The following MYO1D variants were observed in gnomAD, a reference collection of about 807,000 sequenced individuals.
MYO1D encodes unconventional myosin-Id.
MYO1D carries 83 observed loss-of-function variants against 122.0 expected under a neutral mutation model. That is an observed-to-expected ratio of 0.68 (90% CI 0.57 to 0.82). The LOEUF (loss-of-function observed/expected upper bound fraction) is 0.82. Among genes scored for constraint, MYO1D ranks in the 40% least tolerant of loss-of-function variants. The pLI, the probability that MYO1D is intolerant of heterozygous loss-of-function variation, is 0.00. For missense variants in MYO1D, 1,157 were observed against 1,269.5 expected, an observed-to-expected ratio of 0.91 and a Z score of 1.35; for synonymous variants, 464 against 446.9, an observed-to-expected ratio of 1.04 and a Z score of -0.48.
chr17:32,621,464 T>C lies in MYO1D; in HGVS notation c.2710-16223A>G, dbSNP rs562830713. Among the ~76,000 whole-genome samples, 10 of 152,004 alleles carry C rather than the reference T, an allele frequency of 6.6e-5. No individual in the cohort carries two copies. In the South Asian group the frequency reaches 1.7e-3, roughly 25 times the overall value. Reference sequence around the variant, plus strand: ...TTTCCCTCCTTACCTGCCAGGTAAGTGGTAGATGATAGAATTTATTGAATG... The same window carrying C: ...TTTCCCTCCTTACCTGCCAGGTAAGCGGTAGATGATAGAATTTATTGAATG... On this transcript the variant is annotated intron_variant, in intron 20 of 21. Transcript: ENST00000318217.
At chr17:32,733,345 A>G (rs1181858162) in intron 14 of MYO1D, among the ~76,000 whole-genome samples, 2 of 152,248 alleles carry the variant, frequency 1.3e-5, no homozygotes, top group East Asian at 1.9e-4. Flanking sequence ...TGGGGCAATT[A>G]TAAGACCTGG....
intron 21 of MYO1D, among the ~76,000 whole-genome samples, chr17:32,577,732 T>C (rs960847891): frequency 6.6e-6 from 1 of 151,620 alleles, no homozygotes; most frequent in African/African-American, 2.4e-5. Context: ...TTCAGATACA[T>C]ATTTCTTTTT....
At chr17:32,638,931 T>C (rs940579082) in intron 19 of MYO1D, 96 bp from the exon 20 acceptor site, 1 of 784,136 alleles carries the variant, frequency 1.3e-6, no homozygotes. Context: ...ATGTGAACCA[T>C]GTATGGCCAC....
chr17:32,549,303 C>T (rs1461393774), intron 21 of MYO1D, among the ~76,000 whole-genome samples: 1 of 152,092 alleles, frequency 6.6e-6, no homozygotes, highest in Non-Finnish European at 1.5e-5. Flanking sequence ...ACTATTTTGC[C>T]CAGACTTGTC....
intron 1 of MYO1D, among the ~76,000 whole-genome samples, chr17:32,820,251 C>G (rs563619135): frequency 2.1e-4 from 32 of 152,198 alleles, no homozygotes; most frequent in Non-Finnish European, 4.3e-4. Context: ...TATGACCCAG[C>G]AATCCCACTT....
chr17:32,579,279 G>C (rs1370986831), intron 21 of MYO1D, among the ~76,000 whole-genome samples: 1 of 152,054 alleles, frequency 6.6e-6, no homozygotes. Context: ...ATGTTGCTCA[G>C]GCTGATCTCA....
At chr17:32,510,812 A>G (rs1198927849) in intron 21 of MYO1D, 1 of 152,122 alleles carries the variant, frequency 6.6e-6, no homozygotes, top group African/African-American at 2.4e-5. Context: ...TGCTTTGTCT[A>G]TTTGGAATCT....
In MYO1D at chr17:32,654,595, C is replaced by G; in HGVS notation, c.2372G>C (p.Ser791Thr). 1 of 1,612,468 alleles carries G rather than the reference C, an allele frequency of 6.2e-7. No individual in the cohort carries two copies. The highest frequency in any genetic ancestry group is 1.1e-5 in the South Asian group (1 of 90,758). Residue 791 changes from serine to threonine, a missense_variant, in exon 18 of 22, where the codon AGC becomes ACC. Ser to Thr is a moderately conservative substitution (Grantham distance 58, BLOSUM62 1). Coordinates refer to ENST00000318217, the MANE Select transcript of MYO1D (RefSeq NM_015194.3). ...CTGGGGCAGGTCTGAGGCCGGAATGCTCTTGATGAGCTGGGATGCTCTCCA... is the reference window on the plus strand; with the variant it reads ...CTGGGGCAGGTCTGAGGCCGGAATGGTCTTGATGAGCTGGGATGCTCTCCA... ...NRWRASQLIK[S>T]IPASDLPQVR...
intron 21 of MYO1D, among the ~76,000 whole-genome samples, chr17:32,595,891 C>T (rs970233853): frequency 2.0e-5 from 3 of 152,078 alleles, no homozygotes; most frequent in East Asian, 3.8e-4. Flanking sequence ...GGGTGAATTG[C>T]TATTCTCCAG....
At chr17:32,573,988 G>A (rs1166521793) in intron 21 of MYO1D, among the ~76,000 whole-genome samples, 6 of 152,116 alleles carry the variant, frequency 3.9e-5, no homozygotes, top group African/African-American at 1.2e-4. Flanking sequence ...GCGTAGCTGG[G>A]ACTACAGGCG....
chr17:32,560,609 C>A (rs186255458), intron 21 of MYO1D, among the ~76,000 whole-genome samples: 1 of 131,534 alleles, frequency 7.6e-6, no homozygotes, highest in Admixed American at 8.0e-5. Flanking sequence ...AATTCTGACT[C>A]AAGATTAGCC....
intron 1 of MYO1D, 28 bp from the exon 2 acceptor site, chr17:32,780,812 C>T (rs763461067): frequency 2.1e-5 from 33 of 1,604,624 alleles, no homozygotes; most frequent in East Asian, 4.5e-5. Context: ...AAAAGGAAGA[C>T]GTAGCTGTGG....
At chr17:32,557,706 C>T (rs1163049624) in intron 21 of MYO1D, among the ~76,000 whole-genome samples, 1 of 151,904 alleles carries the variant, frequency 6.6e-6, no homozygotes, top group African/African-American at 2.4e-5. Context: ...TTTCGCTCAG[C>T]AAAGTCTTTC....
Position 32,864,007 on chromosome 17 carries a change from C to CTTTTTTTTTTTTTTTTTTTTTTTTTTTT in MYO1D, c.95+12743_95+12770dup, listed in dbSNP as rs560953120. Among the ~76,000 whole-genome samples the CTTTTTTTTTTTTTTTTTTTTTTTTTTTT allele has an allele frequency of 8.2e-5, 4 of 48,960 alleles. 2 individuals are homozygous for CTTTTTTTTTTTTTTTTTTTTTTTTTTTT. Among genetic ancestry groups the CTTTTTTTTTTTTTTTTTTTTTTTTTTTT allele is most frequent in the Non-Finnish European group, 1.4e-4 (4 of 28,654 alleles). 32.1% of individuals were successfully genotyped at this position (48,960 alleles called of 152,430 possible). ...TAATTTTGGTTACAAACATTTCTTC[C>CTTTTTTTTTTTTTTTTTTTTTTTTTTTT]TTTTTTTTTTTTTTTTTTTTTTTTT... is the stretch of plus-strand genomic sequence containing the variant. On this transcript the variant is annotated intron_variant, in intron 1 of 21. Transcript: ENST00000318217.
intron 8 of MYO1D, among the ~76,000 whole-genome samples, 177 bp from the exon 9 acceptor site, chr17:32,760,804 T>G (rs1327615958): frequency 6.6e-6 from 1 of 152,188 alleles, no homozygotes; most frequent in East Asian, 1.9e-4. Flanking sequence ...AACTACCTGA[T>G]GTATGCAAAA....
In MYO1D at chr17:32,538,788, C is replaced by T. The variant is rs562591791; in HGVS notation, c.2865-43873G>A. The stretch of plus-strand genomic sequence containing the variant: ...GCCGTAAAAACGAATGAGATCATGT[C>T]CTTTGCAGGAACATGGGTGGAGCTG... On this transcript the variant is annotated intron_variant, in intron 21 of 21. Transcript: ENST00000318217. Among the ~76,000 whole-genome samples the T allele has an allele frequency of 7.9e-5, 12 of 152,214 alleles. No homozygotes were observed. The East Asian group carries it at 2.3e-3, about 29-fold the overall frequency.
chr17:32,685,455 C>T (rs1284969469), intron 16 of MYO1D, among the ~76,000 whole-genome samples: 1 of 152,204 alleles, frequency 6.6e-6, no homozygotes, highest in Admixed American at 6.5e-5. Context: ...AGCAGATATT[C>T]TGTTCTTCCA....
intron 1 of MYO1D, among the ~76,000 whole-genome samples, chr17:32,866,345 T>C (rs1357528648): frequency 1.3e-5 from 2 of 152,204 alleles, no homozygotes; most frequent in Non-Finnish European, 2.9e-5. Flanking sequence ...CAATTTTTAA[T>C]TGAGCAAAGT....
chr17:32,688,699 G>A (rs527833645), intron 16 of MYO1D, among the ~76,000 whole-genome samples: 1 of 152,196 alleles, frequency 6.6e-6, no homozygotes, highest in African/African-American at 2.4e-5. Flanking sequence ...CTCTGGGAAA[G>A]TCTAGTCTTA....
Sources: gnomAD v4.1 joint callset for allele counts (sites outside exome capture counted in the v4.1 genomes callset) on GRCh38, gnomAD v4.1.1 for gene constraint, MANE v1.5 for transcripts, NCBI Gene and HGNC (gene_info 2026-07-23, HGNC 2026-07-21) for gene names.